Variants in FAM117B observed in about 807,000 individuals in gnomAD.
FAM117B encodes protein FAM117B.
In FAM117B, 22 loss-of-function variants were observed where a neutral mutation model predicts 52.8. The observed-to-expected ratio is 0.42, with a 90% CI of 0.30 to 0.59. The LOEUF (loss-of-function observed/expected upper bound fraction) is 0.59. FAM117B is among the 20% of genes least tolerant of loss of function. FAM117B has a pLI of 0.22. For missense variants in FAM117B, 678 were observed against 802.6 expected (o/e 0.84, Z 1.88); for synonymous variants, 309 against 324.1 (o/e 0.95, Z 0.50).
At chr2:202,706,984 A>T (rs1690880294) in intron 2 of FAM117B, among the ~76,000 whole-genome samples, 1 of 152,072 alleles carries the variant, frequency 6.6e-6, no homozygotes, top group African/African-American at 2.4e-5. Flanking sequence ...GTCCTTTCTT[A>T]TTTCACATGT....
At chr2:202,713,642 C>T (rs964459768) in intron 2 of FAM117B, among the ~76,000 whole-genome samples, 3 of 152,104 alleles carry the variant, frequency 2.0e-5, no homozygotes, top group Non-Finnish European at 2.9e-5. Flanking sequence ...GATGTAGGCA[C>T]TTTTAGCTGT....
intron 2 of FAM117B, among the ~76,000 whole-genome samples, chr2:202,710,762 A>C (rs1201465591): frequency 2.0e-5 from 3 of 151,998 alleles, no homozygotes; most frequent in Non-Finnish European, 4.4e-5. Flanking sequence ...CTCTGTCTCC[A>C]TGAGTTCAGT....
rs1242195181 is a variant in FAM117B, at chr2:202,644,060, TTTTG to T, written c.601+8276_601+8279del. 5.7e-4 allele frequency among the ~76,000 whole-genome samples: 76 copies of T among 134,464 alleles called. 4 individuals are homozygous for T. Among genetic ancestry groups the T allele is most frequent in the African/African-American group, 2.1e-3 (69 of 33,214 alleles). The allele number at this position is 134,464 out of a possible 152,430, so 88.2% of individuals were successfully genotyped here. A position where few individuals can be genotyped will look rare whatever the true frequency, so the allele number is the denominator to read the frequency against. On this transcript the variant is annotated intron_variant, in intron 1 of 7. Transcript: ENST00000392238. Reference sequence around the variant, plus strand: ...ACTACTGCTTTAGGAGCTGTTTTTTTTTTGTTTTTTTTTTTTTTTTTTTTCAGTT... The same window carrying T: ...ACTACTGCTTTAGGAGCTGTTTTTTTTTTTTTTTTTTTTTTTTTTTCAGTT...
At chr2:202,704,390 A>C (rs1435669088) in intron 2 of FAM117B, among the ~76,000 whole-genome samples, 1 of 152,186 alleles carries the variant, frequency 6.6e-6, no homozygotes, top group Non-Finnish European at 1.5e-5. Flanking sequence ...CATCCTGTTG[A>C]GAAGATGCAG....
intron 2 of FAM117B, among the ~76,000 whole-genome samples, chr2:202,699,742 A>T (rs1416766737): frequency 1.3e-5 from 2 of 152,206 alleles, no homozygotes; most frequent in Non-Finnish European, 2.9e-5. Context: ...TTAAAAATAC[A>T]TGCCTATGTC....
intron 1 of FAM117B, among the ~76,000 whole-genome samples, chr2:202,651,691 A>G (rs1689960567): frequency 6.6e-6 from 1 of 152,138 alleles, no homozygotes; most frequent in African/African-American, 2.4e-5. Flanking sequence ...TGTAATTTTT[A>G]TCTTACATGC....
At chr2:202,668,531 A>AC (rs1166511428) in intron 1 of FAM117B, among the ~76,000 whole-genome samples, 1 of 145,892 alleles carries the variant, frequency 6.9e-6, no homozygotes, top group Non-Finnish European at 1.5e-5. Flanking sequence ...CTCTCTCAAA[A>AC]AAAAAAAAAA....
intron 1 of FAM117B, among the ~76,000 whole-genome samples, chr2:202,640,295 A>AATATATATATATATATAT (rs539187347): frequency 1.9e-4 from 10 of 51,302 alleles, no homozygotes; most frequent in African/African-American, 2.5e-4. Flanking sequence ...ACCACCACAA[A>AATATATATATATATATAT]ATATATATAT....
intron 4 of FAM117B, among the ~76,000 whole-genome samples, chr2:202,748,725 C>G (rs1174614203): frequency 1.3e-5 from 2 of 152,146 alleles, no homozygotes; most frequent in Non-Finnish European, 2.9e-5. Context: ...TTCATCTTTA[C>G]TAGTCATCAG....
rs1380408162 is a variant in FAM117B, at chr2:202,708,376, A to G, written c.753+12344A>G. 4.6e-5 allele frequency among the ~76,000 whole-genome samples: 7 copies of G among 152,312 alleles called. No homozygotes were observed. The East Asian group carries it at 1.3e-3, about 29-fold the overall frequency. ...AGTAGGATGTCCTCACAGTTCATCC[A>G]TATTATCATATACTGCAGAATTTCT... On this transcript the variant is annotated intron_variant, in intron 2 of 7. Transcript: ENST00000392238.
At chr2:202,644,562 G>A (rs1221438863) in intron 1 of FAM117B, among the ~76,000 whole-genome samples, 3 of 152,052 alleles carry the variant, frequency 2.0e-5, no homozygotes, top group Non-Finnish European at 4.4e-5. Flanking sequence ...CTCCTGTTTT[G>A]GATACTCTAA....
rs1214792500 is a variant in FAM117B at position 202,726,359 on chromosome 2, G to A, written c.956G>A (p.Cys319Tyr). 6.2e-7 allele frequency: 1 copy of A among 1,608,822 alleles called. No homozygotes were observed. The highest frequency in any genetic ancestry group is 8.5e-7 in the Non-Finnish European group (1 of 1,177,208). Residue 319 changes from cysteine (C) to tyrosine (Y), a missense_variant, in exon 4 of 8, where the codon TGT (cysteine) becomes TAT (tyrosine). Coordinates refer to ENST00000392238, the MANE Select transcript of FAM117B (RefSeq NM_173511.4). ...FHGNHAAINQ[C>Y]QAPVPKSALI... ...GGCAACCATGCAGCTATTAACCAGT[G>A]TCAGGTAAGAGTACCAATACCACAA...
chr2:202,735,831 C>T (rs776783365), intron 4 of FAM117B, among the ~76,000 whole-genome samples: 15 of 151,988 alleles, frequency 9.9e-5, no homozygotes, highest in African/African-American at 1.4e-4. Flanking sequence ...ATGTGCACAA[C>T]GTGCAGGTTT....
intron 7 of FAM117B, among the ~76,000 whole-genome samples, chr2:202,763,260 G>A (rs970693500): frequency 6.6e-6 from 1 of 151,946 alleles, no homozygotes; most frequent in South Asian, 2.1e-4. Flanking sequence ...TTTTAGTAGA[G>A]ACAGGGTTTC....
rs1161026426 is a variant in FAM117B, at chr2:202,644,064, GTTT to G, written c.601+8294_601+8296del. 1.5e-3 allele frequency among the ~76,000 whole-genome samples: 146 copies of G among 95,156 alleles called. 1 individual carries two copies. The highest frequency in any genetic ancestry group is 8.5e-3 in the Middle Eastern group (1 of 118). The allele number at this position is 95,156 out of a possible 152,430, so 62.4% of individuals were successfully genotyped here. Reference sequence around the variant, plus strand: ...CTGCTTTAGGAGCTGTTTTTTTTTTGTTTTTTTTTTTTTTTTTTTTCAGTTTTA... The same window carrying G: ...CTGCTTTAGGAGCTGTTTTTTTTTTGTTTTTTTTTTTTTTTTTCAGTTTTA... On this transcript the variant is annotated intron_variant, in intron 1 of 7. Coordinates refer to ENST00000392238, the MANE Select transcript of FAM117B (RefSeq NM_173511.4).
At position 202,740,261 on chromosome 2, in the gene FAM117B, G is replaced by A. The variant is rs112952680; in HGVS notation, c.960+13898G>A. 2.0e-3 allele frequency among the ~76,000 whole-genome samples: 287 copies of A among 144,620 alleles called. 1 individual carries two copies. Among genetic ancestry groups the A allele is most frequent in the African/African-American group, 7.0e-3 (273 of 38,788 alleles). The allele number at this position is 144,620 out of a possible 152,430, so 94.9% of individuals were successfully genotyped here. A position where few individuals can be genotyped will look rare whatever the true frequency, so the allele number is the denominator to read the frequency against. Reference sequence around the variant, plus strand: ...TTTAATCCCAGCTACTCGGGAGGGTGAGGCATGAGAATCACTTGAACCTGT... The same window carrying A: ...TTTAATCCCAGCTACTCGGGAGGGTAAGGCATGAGAATCACTTGAACCTGT... On this transcript the variant is annotated intron_variant, in intron 4 of 7. Coordinates refer to ENST00000392238, the MANE Select transcript of FAM117B (RefSeq NM_173511.4).
intron 7 of FAM117B, among the ~76,000 whole-genome samples, chr2:202,764,157 C>T (rs564275272): frequency 6.6e-6 from 1 of 152,316 alleles, no homozygotes; most frequent in East Asian, 1.9e-4. Context: ...CCCCATCACT[C>T]CTCACCCCAC....
intron 4 of FAM117B, among the ~76,000 whole-genome samples, chr2:202,752,524 G>T (rs1455198384): frequency 2.0e-5 from 3 of 151,456 alleles, no homozygotes; most frequent in Non-Finnish European, 4.4e-5. Context: ...GAATAAAACT[G>T]ATGGTCATTG....
intron 4 of FAM117B, among the ~76,000 whole-genome samples, chr2:202,731,923 C>T (rs763217975): frequency 7.3e-5 from 11 of 151,622 alleles, no homozygotes; most frequent in East Asian, 1.9e-4. Flanking sequence ...TCAGTAGAGA[C>T]GGGGTTTTAC....
Sources: gnomAD v4.1 joint callset for allele counts (sites outside exome capture counted in the v4.1 genomes callset) on GRCh38, gnomAD v4.1.1 for gene constraint, MANE v1.5 for transcripts, NCBI Gene and HGNC (gene_info 2026-07-23, HGNC 2026-07-21) for gene names.